The following TAS2R1 variants were observed in gnomAD, a reference collection of about 807,000 sequenced individuals.
TAS2R1 encodes the protein taste 2 receptor member 1, also known as taste receptor type 2 member 1.
For synonymous variants in TAS2R1, 141 were observed against 134.2 expected, an observed-to-expected ratio of 1.05 and a Z score of -0.35; for missense variants, 370 against 353.4, an observed-to-expected ratio of 1.05 and a Z score of -0.38.
At chr5:9,733,838 A>G in the TAS2R1 span, among the ~76,000 whole-genome samples, 1 of 152,184 alleles carries the variant, frequency 6.6e-6, no homozygotes, top group Non-Finnish European at 1.5e-5. Context: ...AAAAGAAAAA[A>G]AAAATTCTAA....
chr5:9,716,462 A>T (rs1270209249), upstream of TAS2R1, among the ~76,000 whole-genome samples: 2 of 152,188 alleles, frequency 1.3e-5, no homozygotes, highest in African/African-American at 4.8e-5. Flanking sequence ...AAAGTCCTAC[A>T]ACAATATAGT....
At chr5:9,795,727 C>T in the TAS2R1 span, among the ~76,000 whole-genome samples, 1 of 152,132 alleles carries the variant, frequency 6.6e-6, no homozygotes, top group Non-Finnish European at 1.5e-5. Context: ...TCAAGAGTTC[C>T]CAATCTAAGC....
the TAS2R1 span, among the ~76,000 whole-genome samples, chr5:9,773,128 T>C: frequency 2.6e-5 from 4 of 152,034 alleles, no homozygotes; most frequent in African/African-American, 9.7e-5. Flanking sequence ...TGACTTTGTC[T>C]GGTGGTGTGA....
At chr5:9,655,452 TTTAA>T (rs1158369487) in intron 2 of TAS2R1, among the ~76,000 whole-genome samples, 3 of 152,092 alleles carry the variant, frequency 2.0e-5, no homozygotes, top group African/African-American at 7.2e-5. Flanking sequence ...CTTAGTTTAG[TTTAA>T]TTAAATTTAA....
At chr5:9,833,484 G>A in the TAS2R1 span, among the ~76,000 whole-genome samples, 1 of 152,072 alleles carries the variant, frequency 6.6e-6, no homozygotes, top group South Asian at 2.1e-4. Flanking sequence ...CAAAGTTAAG[G>A]CAAAATGACA....
upstream of TAS2R1, among the ~76,000 whole-genome samples, chr5:9,713,631 C>G (rs1363676522): frequency 6.6e-6 from 1 of 152,100 alleles, no homozygotes; most frequent in East Asian, 1.9e-4. Flanking sequence ...AAATATATTT[C>G]AGTCTTTTGG....
the TAS2R1 span, among the ~76,000 whole-genome samples, chr5:9,749,525 C>T: frequency 6.6e-6 from 1 of 152,170 alleles, no homozygotes; most frequent in Non-Finnish European, 1.5e-5. Flanking sequence ...ATGTTAACCA[C>T]AGGACTTATT....
the TAS2R1 span, among the ~76,000 whole-genome samples, chr5:9,738,363 T>C: frequency 9.9e-5 from 15 of 152,140 alleles, no homozygotes; most frequent in Non-Finnish European, 1.8e-4. Context: ...CTGACAGCTG[T>C]CACGTTTCCT....
At chr5:9,839,588 G>A in the TAS2R1 span, among the ~76,000 whole-genome samples, 3 of 152,212 alleles carry the variant, frequency 2.0e-5, no homozygotes, top group Admixed American at 1.3e-4. Context: ...AATTGTGCTT[G>A]AGGAATCCAA....
At chr5:9,818,491 C>G in the TAS2R1 span, among the ~76,000 whole-genome samples, 1 of 152,192 alleles carries the variant, frequency 6.6e-6, no homozygotes, top group African/African-American at 2.4e-5. Context: ...CTCATGTATA[C>G]AGGTCAGCCA....
At chr5:9,781,061 T>C in the TAS2R1 span, among the ~76,000 whole-genome samples, 2 of 152,220 alleles carry the variant, frequency 1.3e-5, no homozygotes, top group Non-Finnish European at 2.9e-5. Flanking sequence ...GTAGGATATA[T>C]ATCCTATAGC....
the TAS2R1 span, among the ~76,000 whole-genome samples, chr5:9,752,490 G>A: frequency 6.6e-6 from 1 of 152,026 alleles, no homozygotes; most frequent in Non-Finnish European, 1.5e-5. Flanking sequence ...TCTAGCCTGA[G>A]GCCCCTCACA....
chr5:9,849,666 G>C, the TAS2R1 span, among the ~76,000 whole-genome samples: 59 of 152,246 alleles, frequency 3.9e-4, no homozygotes, highest in Non-Finnish European at 6.2e-4. Context: ...GAGGTACAAA[G>C]GTTCACTTGA....
chr5:9,827,159 C>T, the TAS2R1 span, among the ~76,000 whole-genome samples: 1 of 152,136 alleles, frequency 6.6e-6, no homozygotes, highest in Non-Finnish European at 1.5e-5. Context: ...GTGCCCCTTC[C>T]TCCTTCCTCC....
the TAS2R1 span, among the ~76,000 whole-genome samples, chr5:9,723,135 T>C: frequency 1.3e-5 from 2 of 152,036 alleles, no homozygotes; most frequent in Non-Finnish European, 2.9e-5. Flanking sequence ...GTTCCCGGGG[T>C]TCCCAGCTTG....
intron 2 of TAS2R1, chr5:9,658,890 G>A (rs185534479): frequency 3.3e-5 from 5 of 152,280 alleles, no homozygotes; most frequent in African/African-American, 1.2e-4. Context: ...AATCACTACA[G>A]CATCATTTTC....
the TAS2R1 span, among the ~76,000 whole-genome samples, chr5:9,873,904 C>T: frequency 7.1e-5 from 7 of 98,762 alleles, no homozygotes; most frequent in Admixed American, 2.5e-4. Flanking sequence ...GGGAAGAGGA[C>T]GGGGAAAAAA....
chr5:9,802,897 C>T, the TAS2R1 span, among the ~76,000 whole-genome samples: 52 of 151,844 alleles, frequency 3.4e-4, no homozygotes, highest in Middle Eastern at 3.4e-3. Context: ...AGCGAGACTC[C>T]GTCTAAAAAT....
the TAS2R1 span, among the ~76,000 whole-genome samples, chr5:9,895,612 A>C: frequency 6.6e-6 from 1 of 152,230 alleles, no homozygotes; most frequent in Non-Finnish European, 1.5e-5. Flanking sequence ...TAAACTCTAG[A>C]AGCGGACAAT....
Sources: allele counts gnomAD v4.1 joint callset (sites outside exome capture counted in the v4.1 genomes callset), GRCh38; gene constraint gnomAD v4.1.1; transcripts MANE v1.5; gene names NCBI Gene and HGNC (gene_info 2026-07-23, HGNC 2026-07-21).